The following PRKG1 variants were observed in gnomAD, a reference collection of about 807,000 sequenced individuals.
PRKG1 encodes protein kinase cGMP-dependent 1.
PRKG1 carries 35 observed loss-of-function variants against 88.1 expected under a neutral mutation model. The ratio of observed to expected loss-of-function variants is 0.40; its 90% CI spans 0.30 to 0.53. The LOEUF (loss-of-function observed/expected upper bound fraction) is 0.53, where lower values mean the gene tolerates loss of function less well. Ranked by LOEUF, PRKG1 falls within the 20% of genes least tolerant of loss-of-function variation. The probability of loss-of-function intolerance (pLI) is 0.59; values close to 1 mark genes in which losing one functional copy is unlikely to be tolerated. For missense variants in PRKG1, 540 were observed against 839.8 expected (o/e 0.64, Z 4.41); for synonymous variants, 303 against 292.5 (o/e 1.04, Z -0.37).
chr10:51,419,638 T>C (rs1285161575), intron 2 of PRKG1, among the ~76,000 whole-genome samples: 1 of 152,116 alleles, frequency 6.6e-6, no homozygotes, highest in Non-Finnish European at 1.5e-5. Flanking sequence ...GAGAGATTTT[T>C]TAAACTTAGA....
rs564924020 is a variant in PRKG1 at position 52,160,250 on chromosome 10, A to G, written c.1002-1639A>G. 2.0e-5 allele frequency among the ~76,000 whole-genome samples: 3 copies of G among 152,134 alleles called. No homozygotes were observed. In the East Asian group the frequency reaches 5.8e-4, roughly 29 times the overall value. On this transcript the variant is annotated intron_variant, in intron 8 of 17. Coordinates refer to ENST00000373980, the MANE Select transcript of PRKG1 (RefSeq NM_006258.4). ...ATGGGAAAGTGGGAAATTTTACCAT[A>G]TAAAGAACAATGACAAAAATAATAT...
chr10:52,080,011 G>A (rs553795830), intron 7 of PRKG1, among the ~76,000 whole-genome samples: 1 of 152,184 alleles, frequency 6.6e-6, no homozygotes, highest in African/African-American at 2.4e-5. Flanking sequence ...TTATATCCCA[G>A]TGCCCACTAA....
intron 4 of PRKG1, among the ~76,000 whole-genome samples, chr10:51,868,038 C>G (rs1321380343): frequency 6.6e-6 from 1 of 152,110 alleles, no homozygotes; most frequent in Non-Finnish European, 1.5e-5. Context: ...TAGTAAATGA[C>G]TCACTGGTGC....
At chr10:51,667,800 G>C (rs1054400858) in intron 3 of PRKG1, among the ~76,000 whole-genome samples, 1 of 152,098 alleles carries the variant, frequency 6.6e-6, no homozygotes, top group Non-Finnish European at 1.5e-5. Flanking sequence ...GGCATCATTT[G>C]TCTTTTCCTA....
chr10:51,740,227 T>C (rs1010548476), intron 3 of PRKG1, among the ~76,000 whole-genome samples: 1 of 152,262 alleles, frequency 6.6e-6, no homozygotes, highest in South Asian at 2.1e-4. Context: ...GTTTTTTCCA[T>C]GTTGCCCAGG....
intron 2 of PRKG1, among the ~76,000 whole-genome samples, chr10:51,276,592 G>T (rs571965953): frequency 1.3e-5 from 2 of 152,124 alleles, no homozygotes; most frequent in African/African-American, 2.4e-5. Context: ...CAGTGTAAAA[G>T]TGTTCCTATT....
At chr10:51,889,395 T>A (rs143486593) in intron 4 of PRKG1, among the ~76,000 whole-genome samples, 126 of 152,248 alleles carry the variant, frequency 8.3e-4, no homozygotes, top group African/African-American at 2.8e-3. Context: ...GAACTTATAC[T>A]TTTTTATGGC....
chr10:51,685,754 A>AG (rs1840971786), intron 3 of PRKG1, among the ~76,000 whole-genome samples: 1 of 152,178 alleles, frequency 6.6e-6, no homozygotes, highest in Admixed American at 6.6e-5. Flanking sequence ...TGAACTGGAG[A>AG]CAGCTCCTCC....
At chr10:52,251,249 A>G (rs1390361806) in intron 9 of PRKG1, among the ~76,000 whole-genome samples, 1 of 152,114 alleles carries the variant, frequency 6.6e-6, no homozygotes, top group Non-Finnish European at 1.5e-5. Flanking sequence ...AACTCAAACA[A>G]TCCGTGTTCA....
At chr10:51,296,366 A>G (rs1840720589) in intron 2 of PRKG1, among the ~76,000 whole-genome samples, 1 of 152,034 alleles carries the variant, frequency 6.6e-6, no homozygotes, top group Admixed American at 6.5e-5. Flanking sequence ...TTCCTTGTGC[A>G]GTTTGTCTAC....
intron 2 of PRKG1, among the ~76,000 whole-genome samples, chr10:51,320,892 C>T (rs993399308): frequency 3.3e-5 from 5 of 152,172 alleles, no homozygotes; most frequent in African/African-American, 9.7e-5. Context: ...TAATTGGATT[C>T]TAAGTACCTT....
chr10:51,239,243 A>G (rs143085854), intron 2 of PRKG1, among the ~76,000 whole-genome samples: 1 of 152,296 alleles, frequency 6.6e-6, no homozygotes, highest in East Asian at 1.9e-4. Context: ...ACCAGAAGTA[A>G]ATAATAGAAG....
intron 4 of PRKG1, among the ~76,000 whole-genome samples, chr10:51,834,734 GAAAAGAA>G (rs1244135887): frequency 6.7e-6 from 1 of 148,162 alleles, no homozygotes; most frequent in Admixed American, 6.7e-5. Context: ...AAAGAGAAAA[GAAAAGAA>G]AAAAGAAAAG....
At chr10:51,504,156 G>T (rs1404269404) in intron 3 of PRKG1, among the ~76,000 whole-genome samples, 1 of 152,064 alleles carries the variant, frequency 6.6e-6, no homozygotes, top group Non-Finnish European at 1.5e-5. Context: ...AATTGCCTTA[G>T]CTATTCCATT....
At chr10:51,388,075 G>A (rs1040454193) in intron 2 of PRKG1, among the ~76,000 whole-genome samples, 2 of 152,160 alleles carry the variant, frequency 1.3e-5, no homozygotes, top group Admixed American at 1.3e-4. Context: ...TTGAAGAAAT[G>A]ATGTGGTATA....
intron 1 of PRKG1, among the ~76,000 whole-genome samples, chr10:51,113,944 CGTGTGTGTG>C (rs1316705489): frequency 1.4e-5 from 2 of 139,028 alleles, no homozygotes; most frequent in Non-Finnish European, 3.1e-5. Flanking sequence ...AGCCTGTAAA[CGTGTGTGTG>C]TGTGTGTGTG....
intron 3 of PRKG1, among the ~76,000 whole-genome samples, chr10:51,738,814 T>C (rs1463569061): frequency 6.6e-6 from 1 of 152,260 alleles, no homozygotes; most frequent in East Asian, 1.9e-4. Flanking sequence ...GTGATTCTGA[T>C]AATTTTTCAT....
chr10:51,671,039 T>G (rs892367022), intron 3 of PRKG1, among the ~76,000 whole-genome samples: 1 of 152,174 alleles, frequency 6.6e-6, no homozygotes, highest in Non-Finnish European at 1.5e-5. Context: ...TATCTTATAT[T>G]TTAGAGATTT....
chr10:51,283,838 C>T (rs1234400075), intron 2 of PRKG1, among the ~76,000 whole-genome samples: 1 of 152,172 alleles, frequency 6.6e-6, no homozygotes, highest in Non-Finnish European at 1.5e-5. Context: ...GCACCATCCA[C>T]TCGAGACCCC....
Sources: gnomAD v4.1 joint callset for allele counts (sites outside exome capture counted in the v4.1 genomes callset) on GRCh38, gnomAD v4.1.1 for gene constraint, MANE v1.5 for transcripts, NCBI Gene and HGNC (gene_info 2026-07-23, HGNC 2026-07-21) for gene names.